IARS2: variants seen among roughly 807,000 people sequenced by gnomAD.
IARS2 encodes isoleucyl-tRNA synthetase 2, mitochondrial, also known as isoleucine--tRNA ligase, mitochondrial.
A neutral mutation model predicts 126.3 loss-of-function variants in IARS2; 56 were observed. The observed-to-expected ratio is 0.44, with a 90% CI of 0.36 to 0.55. The LOEUF (loss-of-function observed/expected upper bound fraction) is 0.55. Among genes scored for constraint, IARS2 ranks in the 20% least tolerant of loss-of-function variants. The pLI is 0.00. For synonymous variants in IARS2, 407 were observed against 441.1 expected, an observed-to-expected ratio of 0.92 and a Z score of 0.97; for missense variants, 1,127 against 1,245.9, an observed-to-expected ratio of 0.90 and a Z score of 1.44.
chr1:220,101,926 G>A (rs538098071), intron 3 of IARS2, among the ~76,000 whole-genome samples: 8 of 152,224 alleles, frequency 5.3e-5, no homozygotes, highest in South Asian at 4.1e-4. Flanking sequence ...GCGTGAACCC[G>A]GGAGGCAGAG....
chr1:220,098,998 G>A (rs1656509752), intron 2 of IARS2, among the ~76,000 whole-genome samples: 1 of 151,786 alleles, frequency 6.6e-6, no homozygotes, highest in Admixed American at 6.6e-5. Context: ...AGATCATCAG[G>A]TCAGGAGTTC....
rs141275528 is a variant in IARS2, at chr1:220,100,614, C to G, written c.515C>G (p.Ala172Gly). 225 of 1,610,324 alleles carry G rather than the reference C, an allele frequency of 1.4e-4. No individual in the cohort carries two copies. Among genetic ancestry groups the G allele is most frequent in the Non-Finnish European group, 1.8e-4 (215 of 1,177,844 alleles). The change falls in exon 3 of 23, where the codon GCT becomes GGT. Residue 172 changes from alanine (A) to glycine (G), a missense_variant. Ala to Gly is a moderately conservative substitution (Grantham distance 60). Transcript: ENST00000366922. Reference protein sequence around the residue: ...IKVLSELGREAQNLSAMEIRK... With the variant: ...IKVLSELGREGQNLSAMEIRK... ...GTATTATCAGAACTTGGTAGAGAAG[C>G]TCAGAATCTTTCAGCTATGGAAATT...
intron 14 of IARS2, among the ~76,000 whole-genome samples, chr1:220,128,778 T>A (rs1260255751): frequency 6.6e-6 from 1 of 152,214 alleles, no homozygotes; most frequent in Non-Finnish European, 1.5e-5. Flanking sequence ...CTTTTCAGTT[T>A]CTGAAATGGT....
intron 12 of IARS2, chr1:220,117,725 A>C: frequency 2.4e-6 from 1 of 416,852 alleles, no homozygotes; most frequent in Non-Finnish European, 4.7e-6. Context: ...GCTTTGTCAG[A>C]AAAACACAAG....
chr1:220,137,022 T>C, intron 16 of IARS2, 111 bp downstream of exon 16: 1 of 612,888 alleles, frequency 1.6e-6, no homozygotes, highest in Non-Finnish European at 2.8e-6. Flanking sequence ...TCTTTTATAC[T>C]CTCAAATAAC....
intron 19 of IARS2, among the ~76,000 whole-genome samples, chr1:220,141,285 T>C (rs1424523896): frequency 6.6e-6 from 1 of 152,222 alleles, no homozygotes; most frequent in African/African-American, 2.4e-5. Context: ...TGCAATTATA[T>C]GGTAACAGTG....
rs764718595 is a variant in IARS2, at chr1:220,143,094, T to C, written c.2711T>C (p.Ile904Thr). Residue 904 changes from isoleucine (I) to threonine (T), a missense_variant, in exon 21 of 23, where the codon ATC (isoleucine) becomes ACC (threonine). Ile to Thr is a moderately conservative substitution (Grantham distance 89). Transcript: ENST00000366922. The stretch of plus-strand genomic sequence containing the variant: ...AAAAATGCAGCTGAGTACAAGGTTA[T>C]CACTGTGATAGAACCTGGACTGCTT... ...PGKNAAEYKVITVIEPGLLFE... is the reference protein window; with the variant it reads ...PGKNAAEYKVTTVIEPGLLFE... 6.2e-7 allele frequency: 1 copy of C among 1,614,102 alleles called. No homozygotes were observed. The highest frequency in any genetic ancestry group is 1.1e-5 in the South Asian group (1 of 91,068).
Position 220,110,771 on chromosome 1 carries a change from T to C in IARS2, c.1328-15T>C. On this transcript the variant is annotated splice_polypyrimidine_tract_variant and intron_variant, in intron 10 of 22. Transcript: ENST00000366922. ...CTTTTTAATTATGTCTAATTTGGTG[T>C]TTTTTTTTTTAAAGTTATAAAGATG... 8.9e-7 allele frequency: 1 copy of C among 1,127,382 alleles called. No individual in the cohort carries two copies. Among genetic ancestry groups the C allele is most frequent in the South Asian group, 1.7e-5 (1 of 58,282 alleles). 69.8% of individuals were successfully genotyped at this position (1,127,382 alleles called of 1,614,324 possible). A position where few individuals can be genotyped will look rare whatever the true frequency, so the allele number is the denominator to read the frequency against.
intron 19 of IARS2, among the ~76,000 whole-genome samples, 197 bp downstream of exon 19, chr1:220,140,486 C>T (rs961777312): frequency 2.0e-5 from 3 of 151,982 alleles, no homozygotes; most frequent in East Asian, 1.9e-4. Flanking sequence ...GACTGAGGCA[C>T]GAGAATCGCT....
At chr1:220,142,409 G>A (rs1022078404) in intron 20 of IARS2, among the ~76,000 whole-genome samples, 1 of 152,180 alleles carries the variant, frequency 6.6e-6, no homozygotes, top group African/African-American at 2.4e-5. Context: ...GGCTAAGGCA[G>A]GAGAATTGCT....
intron 12 of IARS2, chr1:220,118,135 T>A (rs538859088): frequency 2.1e-6 from 1 of 481,844 alleles, no homozygotes; most frequent in East Asian, 6.0e-5. Context: ...CTTTCTTTAT[T>A]ATACCTTTAT....
rs754230588 is a variant in IARS2 at position 220,145,532 on chromosome 1, C to T, written c.2775C>T (p.Ser925=). 40 of 1,612,826 alleles carry T rather than the reference C, an allele frequency of 2.5e-5. No individual in the cohort carries two copies. The African/African-American group carries it at 4.4e-4, about 18-fold the overall frequency. Residue 925 remains serine, a synonymous_variant, in exon 22 of 23, where the codon TCC becomes TCT. Coordinates refer to ENST00000366922, the MANE Select transcript of IARS2 (RefSeq NM_018060.4). The stretch of plus-strand genomic sequence containing the variant: ...AGATGCTGCAGTCTGAAGAGACTTC[C>T]AGCACCTCTCAGTTGAATGAATTAA... ...IIEMLQSEET[S]STSQLNELMM... is the part of the protein sequence containing the mutation.
chr1:220,128,622 A>G (rs1657200619), intron 14 of IARS2, among the ~76,000 whole-genome samples: 1 of 152,192 alleles, frequency 6.6e-6, no homozygotes, highest in Non-Finnish European at 1.5e-5. Flanking sequence ...AGGTAGTAGG[A>G]AGAAGAGTTT....
At chr1:220,123,268 GTTTATC>G (rs1240038051) in intron 12 of IARS2, among the ~76,000 whole-genome samples, 1 of 151,998 alleles carries the variant, frequency 6.6e-6, no homozygotes, top group African/African-American at 2.4e-5. Flanking sequence ...TAACATAAAA[GTTTATC>G]TTTACTGTTA....
At chr1:220,137,806 T>C (rs1657409392) in intron 16 of IARS2, 112 bp from the exon 17 acceptor site, 1 of 1,153,288 alleles carries the variant, frequency 8.7e-7, no homozygotes, top group African/African-American at 1.5e-5. Flanking sequence ...TAGTATAGTT[T>C]GTACTTACAT....
chr1:220,128,479 T>C (rs558583050), intron 14 of IARS2, among the ~76,000 whole-genome samples: 5 of 152,258 alleles, frequency 3.3e-5, no homozygotes, highest in Admixed American at 1.3e-4. Flanking sequence ...GGCTCTCCCA[T>C]TGAGGTTTGT....
At chr1:220,113,635 A>AGAGAGAGAGAGAGAGAGATT (rs1656854573) in intron 11 of IARS2, among the ~76,000 whole-genome samples, 1 of 141,668 alleles carries the variant, frequency 7.1e-6, no homozygotes, top group African/African-American at 3.2e-5. Flanking sequence ...AGATATATAT[A>AGAGAGAGAGAGAGAGAGATT]TATAGAGAGA....
intron 19 of IARS2, 21 bp downstream of exon 19, chr1:220,140,310 A>G: frequency 7.1e-7 from 1 of 1,417,336 alleles, no homozygotes; most frequent in Non-Finnish European, 1.0e-6. Flanking sequence ...CTAAATATTA[A>G]AATGCTTAAC....
chr1:220,121,086 A>G (rs566599684), intron 12 of IARS2, among the ~76,000 whole-genome samples: 2 of 152,296 alleles, frequency 1.3e-5, no homozygotes, highest in East Asian at 3.9e-4. Context: ...TGATTCATAT[A>G]CTTATGTAAC....
Sources: gnomAD v4.1 joint callset for allele counts (sites outside exome capture counted in the v4.1 genomes callset) on GRCh38, gnomAD v4.1.1 for gene constraint, MANE v1.5 for transcripts, NCBI Gene and HGNC (gene_info 2026-07-23, HGNC 2026-07-21) for gene names.